The following DOCK3 variants were observed in gnomAD, a reference collection of about 807,000 sequenced individuals.
DOCK3 encodes the protein dedicator of cytokinesis 3.
A neutral mutation model predicts 265.6 loss-of-function variants in DOCK3; 60 were observed. The observed-to-expected ratio is 0.23, with a 90% CI of 0.18 to 0.28. The LOEUF is 0.28. Ranked by LOEUF, DOCK3 falls within the 10% of genes least tolerant of loss-of-function variation. The pLI, the probability that DOCK3 is intolerant of heterozygous loss-of-function variation, is 1.00. For synonymous variants in DOCK3, 881 were observed against 938.0 expected (o/e 0.94, Z 1.11); for missense variants, 1,981 against 2,594.3 (o/e 0.76, Z 5.14).
At position 51,375,752 on chromosome 3, in the gene DOCK3, C is replaced by G. The variant is rs201961624; in HGVS notation, c.5417C>G (p.Pro1806Arg). 1 of 1,613,956 alleles carries G rather than the reference C, an allele frequency of 6.2e-7. No individual in the cohort carries two copies. The highest frequency in any genetic ancestry group is 8.5e-7 in the Non-Finnish European group (1 of 1,179,856). The part of the protein sequence containing the change: ...PAAILENGQP[P>R]NFQRALFQQV... ...ATGTTTATCTCCTTCCTTCAGCCGC[C>G]GAATTTCCAGCGAGCCCTGTTCCAG... is the stretch of plus-strand genomic sequence containing the variant. The change falls in exon 51 of 53, where the codon CCG (proline) becomes CGG (arginine). Residue 1806 changes from proline to arginine, a missense_variant. This residue lies in a region of DOCK3 where 1,357 missense variants were observed against 1,866.8 expected (regional missense o/e 0.73). Transcript: ENST00000266037.
chr3:51,175,219 A>C (rs1001397959), intron 12 of DOCK3, among the ~76,000 whole-genome samples: 5 of 152,102 alleles, frequency 3.3e-5, no homozygotes, highest in African/African-American at 1.2e-4. Flanking sequence ...GGTGGGCGGG[A>C]CTGCTCCTAG....
At chr3:50,750,742 A>T (rs1013537446) in intron 1 of DOCK3, among the ~76,000 whole-genome samples, 1 of 152,112 alleles carries the variant, frequency 6.6e-6, no homozygotes, top group Non-Finnish European at 1.5e-5. Context: ...ATTCATGGCC[A>T]GTTTTGTGTG....
At chr3:50,973,227 C>T (rs1474399892) in intron 5 of DOCK3, among the ~76,000 whole-genome samples, 36 of 148,566 alleles carry the variant, frequency 2.4e-4, no homozygotes, top group Middle Eastern at 7.0e-3. Flanking sequence ...CACGCTGGTG[C>T]GCTGCACCCA....
intron 2 of DOCK3, among the ~76,000 whole-genome samples, chr3:50,781,994 G>A (rs1327950575): frequency 6.6e-6 from 1 of 152,146 alleles, no homozygotes; most frequent in African/African-American, 2.4e-5. Context: ...ATTCCATGGT[G>A]TATATGTTCC....
intron 26 of DOCK3, among the ~76,000 whole-genome samples, chr3:51,279,115 G>T (rs1015749173): frequency 1.8e-4 from 28 of 152,228 alleles, no homozygotes; most frequent in African/African-American, 6.3e-4. Flanking sequence ...AGCCGGGCAT[G>T]GTGGTGGGCG....
intron 32 of DOCK3, among the ~76,000 whole-genome samples, chr3:51,320,281 C>T (rs888566454): frequency 1.3e-5 from 2 of 152,224 alleles, no homozygotes; most frequent in Non-Finnish European, 2.9e-5. Context: ...CAATCCGGCC[C>T]AGATACTGCA....
intron 21 of DOCK3, among the ~76,000 whole-genome samples, chr3:51,245,316 G>A (rs1452069746): frequency 4.6e-5 from 7 of 151,818 alleles, no homozygotes; most frequent in Non-Finnish European, 7.4e-5. Context: ...CAGTCTGAGC[G>A]ATAGAGCAAG....
intron 6 of DOCK3, among the ~76,000 whole-genome samples, chr3:51,072,883 T>C (rs1318288538): frequency 6.6e-6 from 1 of 151,780 alleles, no homozygotes; most frequent in East Asian, 1.9e-4. Context: ...TTTTTTTTTT[T>C]TTTTTTTAGA....
At chr3:50,802,300 T>G (rs2043114178) in intron 2 of DOCK3, among the ~76,000 whole-genome samples, 1 of 152,174 alleles carries the variant, frequency 6.6e-6, no homozygotes, top group Non-Finnish European at 1.5e-5. Flanking sequence ...GAGTGGTGTT[T>G]TACATTGATA....
At chr3:51,262,834 A>G (rs971220548) in intron 23 of DOCK3, among the ~76,000 whole-genome samples, 1 of 152,226 alleles carries the variant, frequency 6.6e-6, no homozygotes, top group African/African-American at 2.4e-5. Flanking sequence ...TTGAAGATCA[A>G]CTTACTGAAA....
In DOCK3 at chr3:50,882,884, T is replaced by C. The variant is rs1228775070; in HGVS notation, c.163-7142T>C. 3.9e-5 allele frequency among the ~76,000 whole-genome samples: 6 copies of C among 152,196 alleles called. No individual in the cohort carries two copies. The East Asian group carries it at 9.6e-4, about 24-fold the overall frequency. On this transcript the variant is annotated intron_variant, in intron 3 of 52. Coordinates refer to ENST00000266037, the MANE Select transcript of DOCK3 (RefSeq NM_004947.5). ...AACCAACCCAAATGTCCATCAATGA[T>C]AGACTGGATTAAGAAAATGTGGCAC...
In DOCK3 at chr3:50,881,878, A is replaced by G. The variant is rs143098045; in HGVS notation, c.163-8148A>G. Reference sequence around the variant, plus strand: ...TTATTTCAGACTATACTACAAGTCTACAGTAACCAACACAGCATGGTACTG... The same window carrying G: ...TTATTTCAGACTATACTACAAGTCTGCAGTAACCAACACAGCATGGTACTG... On this transcript the variant is annotated intron_variant, in intron 3 of 52. Transcript: ENST00000266037. Among the ~76,000 whole-genome samples, 322 of 152,326 alleles carry G rather than the reference A, an allele frequency of 2.1e-3. 1 individual carries two copies. The highest frequency in any genetic ancestry group is 4.1e-3 in the Non-Finnish European group (276 of 68,016).
chr3:51,229,649 G>A, intron 19 of DOCK3, 40 bp downstream of exon 19: 1 of 1,476,632 alleles, frequency 6.8e-7, no homozygotes, highest in Admixed American at 2.1e-5. Context: ...GCATGAGGAA[G>A]AATCTGGGCA....
At chr3:51,334,901 T>G (rs1355482904) in intron 35 of DOCK3, among the ~76,000 whole-genome samples, 1 of 152,176 alleles carries the variant, frequency 6.6e-6, no homozygotes, top group Non-Finnish European at 1.5e-5. Flanking sequence ...CATTCTCTAT[T>G]TCTTGTCTCA....
At chr3:50,986,425 A>G (rs748588969) in intron 5 of DOCK3, among the ~76,000 whole-genome samples, 17 of 152,226 alleles carry the variant, frequency 1.1e-4, no homozygotes, top group Non-Finnish European at 1.5e-5. Flanking sequence ...TTTGGCTACT[A>G]TAAATGCTGT....
chr3:50,998,821 A>G (rs536918199), intron 5 of DOCK3, among the ~76,000 whole-genome samples: 1 of 152,364 alleles, frequency 6.6e-6, no homozygotes, highest in South Asian at 2.1e-4. Context: ...ACTGTCATTT[A>G]GATAAGCACC....
intron 27 of DOCK3, among the ~76,000 whole-genome samples, chr3:51,287,125 CA>C (rs2081449211): frequency 1.3e-5 from 2 of 152,086 alleles, no homozygotes; most frequent in South Asian, 4.1e-4. Flanking sequence ...AGCAAAAAAA[CA>C]ACTCTGTTAA....
intron 38 of DOCK3, 145 bp downstream of exon 38, chr3:51,341,530 G>A: frequency 8.6e-7 from 1 of 1,168,902 alleles, no homozygotes; most frequent in Middle Eastern, 2.4e-4. Context: ...CTAAGATGTG[G>A]AGGCAGCATG....
chr3:51,171,012 T>C (rs1188247000), intron 12 of DOCK3, among the ~76,000 whole-genome samples: 1 of 152,154 alleles, frequency 6.6e-6, no homozygotes, highest in Non-Finnish European at 1.5e-5. Flanking sequence ...TAACGATGTT[T>C]ATCTTTTCTG....
Sources: allele counts gnomAD v4.1 joint callset (sites outside exome capture counted in the v4.1 genomes callset), GRCh38; gene constraint gnomAD v4.1.1; regional missense constraint gnomAD v4.1.1; transcripts MANE v1.5; gene names NCBI Gene and HGNC (gene_info 2026-07-23, HGNC 2026-07-21).